The following HPCAL1 variants were observed in gnomAD, a reference collection of about 807,000 sequenced individuals.
The protein encoded by HPCAL1 is hippocalcin like 1.
Under a neutral mutation model 17.1 loss-of-function variants are expected in HPCAL1, and 8 were observed. The observed-to-expected ratio is 0.47, with a 90% CI of 0.27 to 0.84. HPCAL1 has a LOEUF of 0.84. Among genes scored for constraint, HPCAL1 ranks in the 40% least tolerant of loss-of-function variants. The probability of loss-of-function intolerance (pLI) is 0.13; values close to 1 mark genes in which losing one functional copy is unlikely to be tolerated. For synonymous variants in HPCAL1, 112 were observed against 111.4 expected (o/e 1.01, Z -0.03); for missense variants, 165 against 271.1 (o/e 0.61, Z 2.75).
chr2:10,365,515 T>G lies in HPCAL1; in HGVS notation c.-110-31320T>G, dbSNP rs1395626401. ...TGGGTCTCCCATGGATGGCTTTTCTTGGAGGCTGCAGCCAGGAGCCATTGT... is the reference window on the plus strand; with the variant it reads ...TGGGTCTCCCATGGATGGCTTTTCTGGGAGGCTGCAGCCAGGAGCCATTGT... On this transcript the variant is annotated intron_variant, in intron 1 of 4. Coordinates refer to ENST00000307845, the MANE Select transcript of HPCAL1 (RefSeq NM_002149.4). This position sits in a 1 kb window ranked among gnomAD's most constrained non-coding sequence, Gnocchi z 4.8. Among the ~76,000 whole-genome samples the G allele has an allele frequency of 6.6e-6, 1 of 152,070 alleles. No homozygotes were observed. Among genetic ancestry groups the G allele is most frequent in the African/African-American group, 2.4e-5 (1 of 41,412 alleles).
chr2:10,360,475 G>A (rs144221368), intron 1 of HPCAL1, among the ~76,000 whole-genome samples: 13 of 151,948 alleles, frequency 8.6e-5, no homozygotes, highest in African/African-American at 3.1e-4. Flanking sequence ...GCAGTGGCAC[G>A]ATCTCTGTTC....
chr2:10,369,935 GA>G (rs771775504), intron 1 of HPCAL1, among the ~76,000 whole-genome samples: 2 of 152,118 alleles, frequency 1.3e-5, no homozygotes, highest in Admixed American at 1.3e-4. Flanking sequence ...TAACGTTTTG[GA>G]AAAAACAACT....
At chr2:10,345,319 G>A (rs1032464381) in intron 1 of HPCAL1, among the ~76,000 whole-genome samples, 1 of 152,090 alleles carries the variant, frequency 6.6e-6, no homozygotes, top group Non-Finnish European at 1.5e-5. Flanking sequence ...TTGCTAGCTG[G>A]GTGACCTTGG....
intron 2 of HPCAL1, among the ~76,000 whole-genome samples, chr2:10,416,275 G>A (rs921477143): frequency 2.0e-5 from 3 of 152,190 alleles, no homozygotes; most frequent in Admixed American, 2.0e-4. Flanking sequence ...CATGCATCTG[G>A]GCCTAGGAAG....
At chr2:10,307,937 G>A (rs1662727616) in intron 1 of HPCAL1, among the ~76,000 whole-genome samples, 2 of 152,346 alleles carry the variant, frequency 1.3e-5, no homozygotes, top group South Asian at 2.1e-4. Context: ...AAGTGCTTCT[G>A]ATACCTACTG....
intron 1 of HPCAL1, among the ~76,000 whole-genome samples, chr2:10,376,439 AT>A (rs1244498227): frequency 1.9e-5 from 2 of 107,842 alleles, no homozygotes; most frequent in Non-Finnish European, 3.6e-5. Context: ...TACAAAAAAA[AT>A]CCCTCTTTTT....
At position 10,365,648 on chromosome 2, in the gene HPCAL1, A is replaced by G. The variant is rs892510660; in HGVS notation, c.-110-31187A>G. ...CTCCCCCTTAGCTGCTTCGAAGCCA[A>G]AGGTGTGGCAACAGCTAACAGGTGC... On this transcript the variant is annotated intron_variant, in intron 1 of 4. Transcript: ENST00000307845. This position sits in a 1 kb window ranked among gnomAD's most constrained non-coding sequence, Gnocchi z 4.8. Among the ~76,000 whole-genome samples, 1 of 151,886 alleles carries G rather than the reference A, an allele frequency of 6.6e-6. No homozygotes were observed. The highest frequency in any genetic ancestry group is 1.5e-5 in the Non-Finnish European group (1 of 67,952).
rs1334652860 is a variant in HPCAL1, at chr2:10,367,059, GATCTGAC to G, written c.-110-29774_-110-29768del. The stretch of plus-strand genomic sequence containing the variant: ...TGGCCCTGCCCTTGCTCGCCCAGCT[GATCTGAC>G]ACCCTCCAGATGGCCCAAGAGAGAC... On this transcript the variant is annotated intron_variant, in intron 1 of 4. Transcript: ENST00000307845. This position sits in a 1 kb window ranked among gnomAD's most constrained non-coding sequence, Gnocchi z 4.4. Among the ~76,000 whole-genome samples the G allele has an allele frequency of 6.6e-6, 1 of 152,048 alleles. No individual in the cohort carries two copies.
intron 1 of HPCAL1, among the ~76,000 whole-genome samples, chr2:10,306,695 A>G (rs1351711288): frequency 6.6e-6 from 1 of 152,344 alleles, no homozygotes; most frequent in African/African-American, 2.4e-5. Context: ...TCAGGTAATC[A>G]ATACGGTTTG....
chr2:10,339,221 C>T lies in HPCAL1; in HGVS notation c.-111+36044C>T, dbSNP rs186363153. 4.2e-3 allele frequency among the ~76,000 whole-genome samples: 645 copies of T among 152,256 alleles called. 6 individuals carry two copies. The highest frequency in any genetic ancestry group is 0.015 in the African/African-American group (619 of 41,548). On this transcript the variant is annotated intron_variant, in intron 1 of 4. Transcript: ENST00000307845. ...AGACTGGAGGGCAGTGGCATGATCT[C>T]GGCTCACTGCAACCTCCACCTCCCG...
At chr2:10,412,660 TAAG>T (rs1206661666) in intron 2 of HPCAL1, among the ~76,000 whole-genome samples, 1 of 152,058 alleles carries the variant, frequency 6.6e-6, no homozygotes, top group Non-Finnish European at 1.5e-5. Flanking sequence ...GGCAATAGAG[TAAG>T]AAGAGCACAT....
intron 1 of HPCAL1, among the ~76,000 whole-genome samples, chr2:10,326,107 A>G (rs1230260037): frequency 2.6e-5 from 4 of 152,224 alleles, no homozygotes; most frequent in Non-Finnish European, 5.9e-5. Context: ...TGGGTTCGAC[A>G]CCATCTCAGG....
rs1347015468 is a variant in HPCAL1 at position 10,418,340 on chromosome 2, G to T, written c.-24-1394G>T. Among the ~76,000 whole-genome samples, 6 of 151,176 alleles carry T rather than the reference G, an allele frequency of 4.0e-5. No homozygotes were observed. The East Asian group carries it at 1.2e-3, about 29-fold the overall frequency. On this transcript the variant is annotated intron_variant, in intron 2 of 4. Transcript: ENST00000307845. ...TCCTAGCTACTCAGGAGGCTGAGTT[G>T]GGAGGATTGCTTGAACCCAGGAGGT...
At chr2:10,351,497 C>G (rs187986375) in intron 1 of HPCAL1, among the ~76,000 whole-genome samples, 2 of 152,086 alleles carry the variant, frequency 1.3e-5, no homozygotes, top group African/African-American at 2.4e-5. Flanking sequence ...ATGGCTCATG[C>G]CAATAATCAT....
intron 1 of HPCAL1, among the ~76,000 whole-genome samples, chr2:10,316,067 G>T (rs545325310): frequency 6.6e-6 from 1 of 152,302 alleles, no homozygotes; most frequent in African/African-American, 2.4e-5. Context: ...GCATAGTGTA[G>T]AGTTTGTTTA....
chr2:10,394,561 C>T lies in HPCAL1; in HGVS notation c.-110-2274C>T, dbSNP rs748083739. ...CTATGTGATGCTGTAATGGTGGGTG[C>T]GCATCGGTACACGTTTGTCAAAGCC... On this transcript the variant is annotated intron_variant, in intron 1 of 4. Coordinates refer to ENST00000307845, the MANE Select transcript of HPCAL1 (RefSeq NM_002149.4). This position sits in a 1 kb window ranked among gnomAD's most constrained non-coding sequence, Gnocchi z 5.0. Among the ~76,000 whole-genome samples the T allele has an allele frequency of 6.6e-5, 10 of 152,180 alleles. No homozygotes were observed. The highest frequency in any genetic ancestry group is 1.5e-4 in the Non-Finnish European group (10 of 68,038).
chr2:10,365,883 C>CA lies in HPCAL1; in HGVS notation c.-110-30951dup, dbSNP rs776434640. ...CCTCGCCTGCTGGGTGCTGAGCCCA[C>CA]ACCGCATGTCCTCGGCCTCCCATTG... On this transcript the variant is annotated intron_variant, in intron 1 of 4. Coordinates refer to ENST00000307845, the MANE Select transcript of HPCAL1 (RefSeq NM_002149.4). The surrounding 1 kb of genome is among the most constrained non-coding windows in gnomAD (Gnocchi z 4.8). Among the ~76,000 whole-genome samples, 89 of 152,326 alleles carry CA rather than the reference C, an allele frequency of 5.8e-4. No individual in the cohort carries two copies. The highest frequency in any genetic ancestry group is 1.0e-3 in the Non-Finnish European group (68 of 68,030).
rs955766081 is a variant in HPCAL1, at chr2:10,331,221, C to T, written c.-111+28044C>T. On this transcript the variant is annotated intron_variant, in intron 1 of 4. Transcript: ENST00000307845. This position sits in a 1 kb window ranked among gnomAD's most constrained non-coding sequence, Gnocchi z 5.0. The stretch of plus-strand genomic sequence containing the variant: ...ACTCTCCTGCCTGCCCCCAGGTGCC[C>T]CCGGCCCAGCCACAGGGTGCTGGCT... Among the ~76,000 whole-genome samples the T allele has an allele frequency of 6.6e-6, 1 of 152,098 alleles. No homozygotes were observed. The highest frequency in any genetic ancestry group is 2.4e-5 in the African/African-American group (1 of 41,422).
chr2:10,345,882 C>T (rs1332296614), intron 1 of HPCAL1, among the ~76,000 whole-genome samples: 1 of 152,194 alleles, frequency 6.6e-6, no homozygotes, highest in Non-Finnish European at 1.5e-5. Flanking sequence ...TCCCCCACCA[C>T]AAAAGGGGCA....
Sources: allele counts gnomAD v4.1 joint callset (sites outside exome capture counted in the v4.1 genomes callset), GRCh38; gene constraint gnomAD v4.1.1; non-coding constraint Gnocchi (gnomAD v3.1); transcripts MANE v1.5; gene names NCBI Gene and HGNC (gene_info 2026-07-23, HGNC 2026-07-21).